ATN1: variants seen among roughly 807,000 people sequenced by gnomAD.
ATN1 encodes atrophin 1, also known as atrophin-1.
A neutral mutation model predicts 85.8 loss-of-function variants in ATN1; 19 were observed. The observed-to-expected ratio is 0.22, with a 90% CI of 0.15 to 0.32. ATN1 has a LOEUF of 0.32. Ranked by LOEUF, ATN1 falls within the 10% of genes least tolerant of loss-of-function variation. The pLI is 1.00. For missense variants in ATN1, 1,453 were observed against 1,564.5 expected (o/e 0.93, Z 1.20); for synonymous variants, 674 against 657.0 (o/e 1.03, Z -0.39).
Position 6,935,842 on chromosome 12 carries a change from C to A in ATN1, c.575C>A (p.Thr192Asn). The A allele has an allele frequency of 6.2e-7, 1 of 1,613,952 alleles. No homozygotes were observed. The highest frequency in any genetic ancestry group is 8.5e-7 in the Non-Finnish European group (1 of 1,179,882). ...SFEPHPSVTP[T>N]GYHAPMEPPT... Reference sequence around the variant, plus strand: ...GAACCCCATCCTTCTGTGACACCCACTGGATATCATGCTCCCATGGAGCCC... The same window carrying A: ...GAACCCCATCCTTCTGTGACACCCAATGGATATCATGCTCCCATGGAGCCC... The change falls in exon 5 of 10, where the codon ACT becomes AAT. Residue 192 changes from threonine to asparagine, a missense_variant. Physicochemically the swap from Thr to Asn is moderately conservative, Grantham distance 65. Coordinates refer to ENST00000396684, the MANE Select transcript of ATN1 (RefSeq NM_001940.4). This position sits in a 1 kb window ranked among gnomAD's most constrained non-coding sequence, Gnocchi z 5.3.
Position 6,940,887 on chromosome 12 carries a change from C to G in ATN1, c.3222C>G (p.Ala1074=), listed in dbSNP as rs1443490626. ...HQQDAIHAAS[A]SVHPLIDPLA... is the part of the protein sequence containing the mutation. ...CTCTTCTCTGCCCTCCAGCCTCTGC[C>G]TCGGTGCACCCTCTCATTGACCCCC... The change falls in exon 8 of 10, where the codon GCC becomes GCG. Residue 1074 remains alanine, a synonymous_variant. Coordinates refer to ENST00000396684, the MANE Select transcript of ATN1 (RefSeq NM_001940.4). 6.2e-7 allele frequency: 1 copy of G among 1,614,108 alleles called. No homozygotes were observed. The highest frequency in any genetic ancestry group is 2.2e-5 in the East Asian group (1 of 44,900).
chr12:6,928,579 C>A (rs185156096), intron 1 of ATN1, among the ~76,000 whole-genome samples, 195 bp downstream of exon 1: 1 of 152,034 alleles, frequency 6.6e-6, no homozygotes, highest in East Asian at 1.9e-4. Context: ...GGGTGGGGCC[C>A]GCCGAGGAGA....
In ATN1 at chr12:6,936,119, C is replaced by A. The variant is rs1267617659; in HGVS notation, c.852C>A (p.Asn284Lys). ...KPPTTPVGGGNLPSAPPPANF... is the reference protein window; with the variant it reads ...KPPTTPVGGGKLPSAPPPANF... ...CTACCACTCCAGTGGGTGGTGGGAACCTACCTTCTGCTCCACCACCAGCCA... is the reference window on the plus strand; with the variant it reads ...CTACCACTCCAGTGGGTGGTGGGAAACTACCTTCTGCTCCACCACCAGCCA... Residue 284 changes from asparagine (N) to lysine (K), a missense_variant, in exon 5 of 10, where the codon AAC becomes AAA. Physicochemically the swap from Asn to Lys is moderately conservative, Grantham distance 94. Coordinates refer to ENST00000396684, the MANE Select transcript of ATN1 (RefSeq NM_001940.4). 1.3e-6 allele frequency: 2 copies of A among 1,530,020 alleles called. No individual in the cohort carries two copies. The highest frequency in any genetic ancestry group is 1.8e-6 in the Non-Finnish European group (2 of 1,139,622). The allele number at this position is 1,530,020 out of a possible 1,614,324, so 94.8% of individuals were successfully genotyped here.
intron 1 of ATN1, among the ~76,000 whole-genome samples, chr12:6,928,917 A>G (rs1945430610): frequency 6.6e-6 from 1 of 152,134 alleles, no homozygotes; most frequent in South Asian, 2.1e-4. Context: ...GTAGGTGGAA[A>G]GAGGGATTGT....
At position 6,935,544 on chromosome 12, in the gene ATN1, C is replaced by T; in HGVS notation, c.280-3C>T. 2.5e-6 allele frequency: 4 copies of T among 1,606,308 alleles called. No individual in the cohort carries two copies. Among genetic ancestry groups the T allele is most frequent in the Non-Finnish European group, 3.4e-6 (4 of 1,174,240 alleles). On this transcript the variant is annotated splice_region_variant and splice_polypyrimidine_tract_variant and intron_variant, in intron 4 of 9. Coordinates refer to ENST00000396684, the MANE Select transcript of ATN1 (RefSeq NM_001940.4). The surrounding 1 kb of genome is among the most constrained non-coding windows in gnomAD (Gnocchi z 5.3). ...GAAAAAATGAGTCTTCCCTTTTCTACAGCAGGAACTCCCTCGGCCACAGTC... is the reference window on the plus strand; with the variant it reads ...GAAAAAATGAGTCTTCCCTTTTCTATAGCAGGAACTCCCTCGGCCACAGTC...
At position 6,937,409 on chromosome 12, in the gene ATN1, C is replaced by T. The variant is rs1555143973; in HGVS notation, c.2142C>T (p.Ala714=). 3 of 1,548,216 alleles carry T rather than the reference C, an allele frequency of 1.9e-6. No individual in the cohort carries two copies. Among genetic ancestry groups the T allele is most frequent in the Admixed American group, 2.0e-5 (1 of 51,128 alleles). The part of the protein sequence containing the change: ...GLPSLPPPPA[A]PASGPPLSAT... ...CATCGCTGCCACCACCACCTGCGGC[C>T]CCTGCCTCAGGGCCGCCCCTGAGCG... The change falls in exon 5 of 10, where the codon GCC becomes GCT. Residue 714 remains alanine, a synonymous_variant. Transcript: ENST00000396684. The surrounding 1 kb of genome is among the most constrained non-coding windows in gnomAD (Gnocchi z 6.0).
At chr12:6,925,022 C>G (rs994646441), upstream of ATN1, among the ~76,000 whole-genome samples, 1 of 152,104 alleles carries the variant, frequency 6.6e-6, no homozygotes, top group Non-Finnish European at 1.5e-5. Context: ...TCCACTTTCC[C>G]TTTGTGCCGT....
Position 6,935,616 on chromosome 12 carries a change from G to A in ATN1, c.349G>A (p.Gly117Ser). The A allele has an allele frequency of 6.2e-7, 1 of 1,613,922 alleles. No homozygotes were observed. Among genetic ancestry groups the A allele is most frequent in the Non-Finnish European group, 8.5e-7 (1 of 1,179,886 alleles). The change falls in exon 5 of 10, where the codon GGC becomes AGC. Residue 117 changes from glycine to serine, a missense_variant. By Grantham distance (56) the Gly-to-Ser change is moderately conservative (BLOSUM62 0). Around this residue, in one of 6 missense-constraint regions of ATN1, gnomAD observed 130 missense variants for 158.2 expected, o/e 0.82. Coordinates refer to ENST00000396684, the MANE Select transcript of ATN1 (RefSeq NM_001940.4). This position sits in a 1 kb window ranked among gnomAD's most constrained non-coding sequence, Gnocchi z 5.3. The stretch of plus-strand genomic sequence containing the variant: ...GGACGGGCGGAGCCTTAATGATGAT[G>A]GCAGCAGCGACCCTAGGGATATCGA... Reference protein sequence around the residue: ...SLDGRSLNDDGSSDPRDIDQD... With the variant: ...SLDGRSLNDDSSSDPRDIDQD...
rs1404335543 is a variant in ATN1, at chr12:6,928,238, G to T, written c.-309G>T. ...GGGGATGGGGGCCGCCCTCCGGGGGGGTCGGGGCCGCCGCCGCCGTCGTCG... is the reference window on the plus strand; with the variant it reads ...GGGGATGGGGGCCGCCCTCCGGGGGTGTCGGGGCCGCCGCCGCCGTCGTCG... On this transcript the variant is annotated 5_prime_UTR_variant, in exon 1 of 10. Coordinates refer to ENST00000396684, the MANE Select transcript of ATN1 (RefSeq NM_001940.4). 3.2e-4 allele frequency: 47 copies of T among 148,586 alleles called. No individual in the cohort carries two copies. The highest frequency in any genetic ancestry group is 1.1e-3 in the African/African-American group (45 of 40,658). 9.2% of individuals were successfully genotyped at this position (148,586 alleles called of 1,614,324 possible).
rs1945416020 is a variant in ATN1 at position 6,928,003 on chromosome 12, C to T, written c.-544C>T. 6.9e-6 allele frequency among the ~76,000 whole-genome samples: 1 copy of T among 144,512 alleles called. No homozygotes were observed. Among genetic ancestry groups the T allele is most frequent in the Non-Finnish European group, 1.5e-5 (1 of 65,352 alleles). 94.8% of individuals were successfully genotyped at this position (144,512 alleles called of 152,430 possible). ...CCCGGGATCGCGCGGGTGCGGGCTG[C>T]GCTAGGCGGGCGCGGGCGGCGGCGG... On this transcript the variant is annotated 5_prime_UTR_variant, in exon 1 of 10. Coordinates refer to ENST00000396684, the MANE Select transcript of ATN1 (RefSeq NM_001940.4).
chr12:6,928,065 C>CCGGGCGGCGCGGCGGGGG lies in ATN1; in HGVS notation c.-468_-451dup, dbSNP rs1461205696. Among the ~76,000 whole-genome samples, 2 of 142,556 alleles carry CCGGGCGGCGCGGCGGGGG rather than the reference C, an allele frequency of 1.4e-5. No homozygotes were observed. The highest frequency in any genetic ancestry group is 2.1e-4 in the South Asian group (1 of 4,712). The allele number at this position is 142,556 out of a possible 152,430, so 93.5% of individuals were successfully genotyped here. A position where few individuals can be genotyped will look rare whatever the true frequency, so the allele number is the denominator to read the frequency against. On this transcript the variant is annotated 5_prime_UTR_variant, in exon 1 of 10. Transcript: ENST00000396684. The stretch of plus-strand genomic sequence containing the variant: ...GCCGAGGGCCGGGCGGGCCGCGGGG[C>CCGGGCGGCGCGGCGGGGG]CGGGCGGCGCGGCGGGGGCGGGCGG...
chr12:6,942,036 G>T lies in ATN1; in HGVS notation c.*256G>T. 3 of 546,300 alleles carry T rather than the reference G, an allele frequency of 5.5e-6. No homozygotes were observed. The South Asian group carries it at 6.9e-5, about 12-fold the overall frequency. The allele number at this position is 546,300 out of a possible 1,614,324, so 33.8% of individuals were successfully genotyped here. The stretch of plus-strand genomic sequence containing the variant: ...ATCTTGGACCAGGTCTCTCTTCCTT[G>T]TCCCCCCTGCTTTTCTCCTCCCCCA... On this transcript the variant is annotated 3_prime_UTR_variant, in exon 10 of 10. Transcript: ENST00000396684.
At chr12:6,940,136 C>T (rs782799223) in intron 7 of ATN1, among the ~76,000 whole-genome samples, 17 of 152,198 alleles carry the variant, frequency 1.1e-4, no homozygotes, top group Non-Finnish European at 2.1e-4. Context: ...GGACTGCAGG[C>T]GTGTGCCACC....
chr12:6,928,707 C>G (rs1945428047), intron 1 of ATN1, among the ~76,000 whole-genome samples: 1 of 152,118 alleles, frequency 6.6e-6, no homozygotes, highest in Non-Finnish European at 1.5e-5. Context: ...GGAGGAACAT[C>G]GAGGCCGGGG....
Position 6,934,365 on chromosome 12 carries a change from G to T in ATN1, c.165+52G>T. The stretch of plus-strand genomic sequence containing the variant: ...GGATGCCCAAGGCACTGGGGCTGAG[G>T]GTGTGTGTGTGTTGTGGGGGAACTT... On this transcript the variant is annotated intron_variant, in intron 3 of 9. Coordinates refer to ENST00000396684, the MANE Select transcript of ATN1 (RefSeq NM_001940.4). This position sits in a 1 kb window ranked among gnomAD's most constrained non-coding sequence, Gnocchi z 4.5. The T allele has an allele frequency of 6.3e-7, 1 of 1,592,332 alleles. No homozygotes were observed. The highest frequency in any genetic ancestry group is 8.6e-7 in the Non-Finnish European group (1 of 1,169,168).
At position 6,937,106 on chromosome 12, in the gene ATN1, C is replaced by T; in HGVS notation, c.1839C>T (p.Thr613=). The change falls in exon 5 of 10, where the codon ACC becomes ACT. Residue 613 remains threonine, a synonymous_variant. Coordinates refer to ENST00000396684, the MANE Select transcript of ATN1 (RefSeq NM_001940.4). The surrounding 1 kb of genome is among the most constrained non-coding windows in gnomAD (Gnocchi z 6.0). The part of the protein sequence containing the change: ...PVPTVTTSSA[T]LSTVIATVAS... ...CTACGGTCACCACCTCTTCGGCTAC[C>T]CTTTCCACGGTCATTGCCACCGTGG... 6.2e-7 allele frequency: 1 copy of T among 1,612,268 alleles called. No individual in the cohort carries two copies. The highest frequency in any genetic ancestry group is 1.1e-5 in the South Asian group (1 of 91,090).
rs376488417 is a variant in ATN1 at position 6,938,841 on chromosome 12, C to T, written c.2878C>T (p.Leu960=). The T allele has an allele frequency of 1.2e-4, 196 of 1,614,034 alleles. No homozygotes were observed. Among genetic ancestry groups the T allele is most frequent in the Non-Finnish European group, 1.6e-4 (190 of 1,180,010 alleles). The change falls in exon 7 of 10, where the codon CTA becomes TTA. Residue 960 remains leucine (L), a synonymous_variant. Transcript: ENST00000396684. ...FEVKPSELEP[L]HGVPGPGLDP... is the part of the protein sequence containing the mutation. ...GGTGAAGCCTAGTGAGCTGGAACCC[C>T]TACATGGGGTCCCTGGGCCGGGCTT...
rs908937787 is a variant in ATN1, at chr12:6,935,012, C to G, written c.279+434C>G. Among the ~76,000 whole-genome samples the G allele has an allele frequency of 3.3e-5, 5 of 152,086 alleles. No individual in the cohort carries two copies. The highest frequency in any genetic ancestry group is 6.5e-5 in the Admixed American group (1 of 15,274). ...TTCAAACAATTGTGCCTCAGCCTCC[C>G]GAGTGGCTGGGATTATAGGCATGAG... is the stretch of plus-strand genomic sequence containing the variant. On this transcript the variant is annotated intron_variant, in intron 4 of 9. Coordinates refer to ENST00000396684, the MANE Select transcript of ATN1 (RefSeq NM_001940.4). This position sits in a 1 kb window ranked among gnomAD's most constrained non-coding sequence, Gnocchi z 5.3.
intron 7 of ATN1, among the ~76,000 whole-genome samples, chr12:6,939,487 C>T (rs939418691): frequency 1.3e-5 from 2 of 152,162 alleles, no homozygotes; most frequent in African/African-American, 4.8e-5. Context: ...TCTCCCAAGC[C>T]CTTCACAAAC....
Sources: allele counts gnomAD v4.1 joint callset (sites outside exome capture counted in the v4.1 genomes callset), GRCh38; gene constraint gnomAD v4.1.1; regional missense constraint gnomAD v4.1.1; non-coding constraint Gnocchi (gnomAD v3.1); transcripts MANE v1.5; gene names NCBI Gene and HGNC (gene_info 2026-07-23, HGNC 2026-07-21).